The following MCM8 variants were observed in gnomAD, a reference collection of about 807,000 sequenced individuals.
MCM8 encodes the protein minichromosome maintenance 8 homologous recombination repair factor.
Under a neutral mutation model 98.9 loss-of-function variants are expected in MCM8, and 85 were observed. The ratio of observed to expected loss-of-function variants is 0.86; its 90% CI spans 0.72 to 1.03. The LOEUF (loss-of-function observed/expected upper bound fraction) is 1.03. Among genes scored for constraint, MCM8 ranks in the 50% least tolerant of loss-of-function variants. The pLI is 0.00. For synonymous variants in MCM8, 352 were observed against 338.6 expected, an observed-to-expected ratio of 1.04 and a Z score of -0.44; for missense variants, 951 against 997.8, an observed-to-expected ratio of 0.95 and a Z score of 0.63.
chr20:5,972,689 G>C (rs1381808961), intron 11 of MCM8: 3 of 1,184,828 alleles, frequency 2.5e-6, no homozygotes, highest in Non-Finnish European at 3.4e-6. Context: ...CGAGTAGCTG[G>C]GACTACAGGC....
chr20:5,951,407 A>G (rs1466479081), intron 1 of MCM8, among the ~76,000 whole-genome samples: 1 of 152,240 alleles, frequency 6.6e-6, no homozygotes, highest in African/African-American at 2.4e-5. Flanking sequence ...GGATTTGGGT[A>G]GAGTATTTGA....
At chr20:5,954,552 A>G (rs2088919580) in intron 3 of MCM8, 56 bp from the exon 4 acceptor site, 3 of 1,005,278 alleles carry the variant, frequency 3.0e-6, no homozygotes, top group Admixed American at 3.8e-5. Flanking sequence ...TGTCTCATGA[A>G]AAATGTGCAT....
chr20:5,993,667 G>A lies in MCM8; in HGVS notation c.2402G>A (p.Arg801Gln), dbSNP rs142260798. The A allele has an allele frequency of 6.4e-5, 103 of 1,604,292 alleles. 1 individual carries two copies. The African/African-American group carries it at 1.2e-3, about 19-fold the overall frequency. Residue 801 changes from arginine to glutamine, a missense_variant, in exon 18 of 19, where the codon CGG (arginine) becomes CAG (glutamine). By Grantham distance (43) the Arg-to-Gln change is conservative. Coordinates refer to ENST00000610722, the MANE Select transcript of MCM8 (RefSeq NM_032485.6). ...AATATATTTCAATTTCATCAACTTC[G>A]GCAGATTGCCAAAGAACTAAACATT... Reference protein sequence around the residue: ...YNNIFQFHQLRQIAKELNIQV... With the variant: ...YNNIFQFHQLQQIAKELNIQV...
intron 13 of MCM8, among the ~76,000 whole-genome samples, chr20:5,979,244 C>T (rs754264115): frequency 5.3e-5 from 8 of 152,060 alleles, no homozygotes; most frequent in Non-Finnish European, 7.4e-5. Flanking sequence ...CTTTCTCAGT[C>T]GTTTACTGGT....
At chr20:5,966,468 G>C (rs998395975) in intron 8 of MCM8, among the ~76,000 whole-genome samples, 3 of 151,612 alleles carry the variant, frequency 2.0e-5, no homozygotes, top group Non-Finnish European at 4.4e-5. Flanking sequence ...TTTTGTACTT[G>C]TTTCCCCATT....
rs754902095 is a variant in MCM8, at chr20:5,958,643, A to G, written c.706A>G (p.Thr236Ala). Residue 236 changes from threonine (T) to alanine (A), a missense_variant, in exon 7 of 19, where the codon ACC becomes GCC. By Grantham distance (58) the Thr-to-Ala change is moderately conservative (BLOSUM62 0). Coordinates refer to ENST00000610722, the MANE Select transcript of MCM8 (RefSeq NM_032485.6). ...VRVSNIKPLC[T>A]KMAFLCAACG... ...TGTCAGTAATATAAAGCCTCTTTGCACCAAGATGGCTTTTCTTTGTGCTGC... is the reference window on the plus strand; with the variant it reads ...TGTCAGTAATATAAAGCCTCTTTGCGCCAAGATGGCTTTTCTTTGTGCTGC... 6.2e-7 allele frequency: 1 copy of G among 1,614,036 alleles called. No individual in the cohort carries two copies. The highest frequency in any genetic ancestry group is 1.3e-5 in the African/African-American group (1 of 74,936).
chr20:5,971,892 A>T (rs968700383), intron 10 of MCM8, 115 bp from the exon 11 acceptor site: 2 of 822,322 alleles, frequency 2.4e-6, no homozygotes, highest in African/African-American at 3.5e-5. Flanking sequence ...GGGGATGTAA[A>T]TTTTTTACAT....
chr20:5,956,321 A>C (rs1290430229), intron 5 of MCM8, among the ~76,000 whole-genome samples: 1 of 152,166 alleles, frequency 6.6e-6, no homozygotes, highest in Non-Finnish European at 1.5e-5. Context: ...GTACATCTTT[A>C]TGGTCCTTAT....
At chr20:5,978,042 G>A (rs2089551063) in intron 13 of MCM8, 25 bp downstream of exon 13, 1 of 1,613,008 alleles carries the variant, frequency 6.2e-7, no homozygotes, top group Non-Finnish European at 8.5e-7. Flanking sequence ...GGAATAATTA[G>A]TGATTCTGGG....
At chr20:5,970,478 A>G (rs1173491385) in intron 10 of MCM8, among the ~76,000 whole-genome samples, 1 of 152,328 alleles carries the variant, frequency 6.6e-6, no homozygotes, top group East Asian at 1.9e-4. Flanking sequence ...AGCCAGCTTC[A>G]GTATTTTTCC....
Position 5,985,937 on chromosome 20 carries a change from ACAATAGATCCCATTCCC to A in MCM8, c.1972_1988del (p.Ile658ProfsTer32). 1 of 1,614,180 alleles carries A rather than the reference ACAATAGATCCCATTCCC, an allele frequency of 6.2e-7. No homozygotes were observed. The highest frequency in any genetic ancestry group is 8.5e-7 in the Non-Finnish European group (1 of 1,180,004). ...CATGCTTCAGGTGGTTCCTGGAGAA[ACAATAGATCCCATTCCC>A]CACCAGCTATTGAGAAAGTACATTG... is the stretch of plus-strand genomic sequence containing the variant. On this transcript the variant is annotated frameshift_variant, in exon 16 of 19. Transcript: ENST00000610722. LOFTEE classifies it high-confidence loss of function.
In MCM8 at chr20:5,963,271, C is replaced by T; in HGVS notation, c.790-3C>T. The T allele has an allele frequency of 6.2e-7, 1 of 1,610,864 alleles. No individual in the cohort carries two copies. The highest frequency in any genetic ancestry group is 8.5e-7 in the Non-Finnish European group (1 of 1,177,134). On this transcript the variant is annotated splice_polypyrimidine_tract_variant and splice_region_variant and intron_variant, in intron 7 of 18. Transcript: ENST00000610722. ...GAATGTGAATTACTTTTGTTTCATT[C>T]AGTGTCCTGTGCCTGTGTGTCGAGG...
chr20:5,984,313 A>G (rs900143796), intron 14 of MCM8, among the ~76,000 whole-genome samples: 8 of 152,192 alleles, frequency 5.3e-5, no homozygotes, highest in African/African-American at 1.9e-4. Context: ...GATTTAGGGT[A>G]TTTACCACCA....
chr20:5,974,475 GA>G (rs1315732446), intron 12 of MCM8, among the ~76,000 whole-genome samples: 1 of 152,220 alleles, frequency 6.6e-6, no homozygotes, highest in African/African-American at 2.4e-5. Context: ...ACTCGATGTG[GA>G]AAATTGACCA....
rs535839348 is a variant in MCM8 at position 5,951,981 on chromosome 20, G to A, written c.-5-30G>A. On this transcript the variant is annotated intron_variant, in intron 1 of 18. Coordinates refer to ENST00000610722, the MANE Select transcript of MCM8 (RefSeq NM_032485.6). ...GAGCACTATTTTCCTTACAGTTTTG[G>A]TGAAGACCTTTTTAATATCTATCTT... 16 of 1,584,072 alleles carry A rather than the reference G, an allele frequency of 1.0e-5. No individual in the cohort carries two copies. In the African/African-American group the frequency reaches 1.5e-4, roughly 15 times the overall value.
chr20:5,983,816 T>C (rs1038101087), intron 14 of MCM8, among the ~76,000 whole-genome samples: 2 of 152,224 alleles, frequency 1.3e-5, no homozygotes, highest in Non-Finnish European at 2.9e-5. Context: ...CCACTCTACT[T>C]TTAGGACTAC....
rs771823505 is a variant in MCM8 at position 5,955,225 on chromosome 20, G to T, written c.460G>T (p.Ala154Ser). Residue 154 changes from alanine to serine, a missense_variant, in exon 5 of 19, where the codon GCT (alanine) becomes TCT (serine). Ala to Ser is a moderately conservative substitution (Grantham distance 99). Transcript: ENST00000610722. ...AAGAGATGCACCTGAGAAAACCTTG[G>T]CTTGCATGGGTTTGGCAATACATCA... ...ELRDAPEKTLACMGLAIHQVL... is the reference protein window; with the variant it reads ...ELRDAPEKTLSCMGLAIHQVL... 2 of 1,612,956 alleles carry T rather than the reference G, an allele frequency of 1.2e-6. No individual in the cohort carries two copies. The highest frequency in any genetic ancestry group is 1.7e-6 in the Non-Finnish European group (2 of 1,179,726).
At chr20:5,986,497 T>C (rs2089737799) in intron 16 of MCM8, among the ~76,000 whole-genome samples, 1 of 152,224 alleles carries the variant, frequency 6.6e-6, no homozygotes. Flanking sequence ...TTTATTTTTT[T>C]ACATGACAGG....
In MCM8 at chr20:5,986,073, G is replaced by A. The variant is rs751685162; in HGVS notation, c.2105G>A (p.Arg702Lys). The A allele has an allele frequency of 3.1e-6, 5 of 1,614,200 alleles. No homozygotes were observed. Among genetic ancestry groups the A allele is most frequent in the Non-Finnish European group, 4.2e-6 (5 of 1,180,038 alleles). Residue 702 changes from arginine (R) to lysine (K), a missense_variant, in exon 16 of 19, where the codon AGG becomes AAG. Coordinates refer to ENST00000610722, the MANE Select transcript of MCM8 (RefSeq NM_032485.6). Reference sequence around the variant, plus strand: ...CTTGAGCTCCGGAAACAGAGCCAGAGGTTAAATAGCTCACCAATCACTACC... The same window carrying A: ...CTTGAGCTCCGGAAACAGAGCCAGAAGTTAAATAGCTCACCAATCACTACC... Reference protein sequence around the residue: ...FYLELRKQSQRLNSSPITTRQ... With the variant: ...FYLELRKQSQKLNSSPITTRQ...
Sources: allele counts gnomAD v4.1 joint callset (sites outside exome capture counted in the v4.1 genomes callset), GRCh38; gene constraint gnomAD v4.1.1; transcripts MANE v1.5; gene names NCBI Gene and HGNC (gene_info 2026-07-23, HGNC 2026-07-21).